Variants in TRAPPC9 observed in about 807,000 individuals in gnomAD.
TRAPPC9 encodes IKK2 binding protein.
In TRAPPC9, 83 loss-of-function variants were observed where a neutral mutation model predicts 124.0. That is an observed-to-expected ratio of 0.67 (90% CI 0.56 to 0.80). TRAPPC9 has a LOEUF of 0.80. Among genes scored for constraint, TRAPPC9 ranks in the 30% least tolerant of loss-of-function variants. The pLI, the probability that TRAPPC9 is intolerant of heterozygous loss-of-function variation, is 0.00. For missense variants in TRAPPC9, 1,302 were observed against 1,508.3 expected (o/e 0.86, Z 2.27); for synonymous variants, 638 against 617.5 (o/e 1.03, Z -0.49).
chr8:139,881,824 G>T (rs981933482), intron 21 of TRAPPC9, among the ~76,000 whole-genome samples: 2 of 152,220 alleles, frequency 1.3e-5, no homozygotes, highest in Non-Finnish European at 2.9e-5. Flanking sequence ...CTCGCTGAAA[G>T]CAAGAAAAAC....
rs1308767213 is a variant in TRAPPC9, at chr8:139,961,746, CG to C, written c.2810+26979del. On this transcript the variant is annotated intron_variant, in intron 19 of 22. Coordinates refer to ENST00000438773, the MANE Select transcript of TRAPPC9 (RefSeq NM_001160372.4). ...CCTGGTGCCTGCTCTGATCTCAAAGCGGGGGACTTGTGCTGCCTCTTCTGGA... is the reference window on the plus strand; with the variant it reads ...CCTGGTGCCTGCTCTGATCTCAAAGCGGGGACTTGTGCTGCCTCTTCTGGA... 3.2e-5 allele frequency among the ~76,000 whole-genome samples: 4 copies of C among 123,858 alleles called. 1 individual carries two copies. The highest frequency in any genetic ancestry group is 1.0e-4 in the African/African-American group (4 of 39,230). The allele number at this position is 123,858 out of a possible 152,430, so 81.3% of individuals were successfully genotyped here. A position where few individuals can be genotyped will look rare whatever the true frequency, so the allele number is the denominator to read the frequency against.
chr8:140,129,868 C>T (rs182506620), intron 17 of TRAPPC9, among the ~76,000 whole-genome samples: 41 of 152,312 alleles, frequency 2.7e-4, no homozygotes, highest in Admixed American at 7.8e-4. Context: ...CGCATGCACA[C>T]GCACATACAT....
At chr8:140,006,730 C>T (rs566097103) in intron 18 of TRAPPC9, among the ~76,000 whole-genome samples, 23 of 152,254 alleles carry the variant, frequency 1.5e-4, no homozygotes, top group African/African-American at 5.5e-4. Flanking sequence ...AGAGGTTAGT[C>T]ACTTGTTTCC....
chr8:140,275,577 G>A, intron 15 of TRAPPC9, 81 bp downstream of exon 15: 1 of 1,491,112 alleles, frequency 6.7e-7, no homozygotes, highest in South Asian at 1.1e-5. Context: ...TAGATTCTCT[G>A]AAAACTGAGA....
At chr8:140,114,356 A>T (rs2060839476) in intron 17 of TRAPPC9, among the ~76,000 whole-genome samples, 1 of 147,098 alleles carries the variant, frequency 6.8e-6, no homozygotes. Flanking sequence ...AAAAAACCTC[A>T]CAAAAGAAAA....
intron 2 of TRAPPC9, among the ~76,000 whole-genome samples, chr8:140,446,412 G>A (rs2071261388): frequency 6.6e-6 from 1 of 151,950 alleles, no homozygotes; most frequent in Non-Finnish European, 1.5e-5. Flanking sequence ...AATGCTCATT[G>A]GCAGAAGCAA....
chr8:140,115,683 G>A (rs541057016), intron 17 of TRAPPC9, among the ~76,000 whole-genome samples: 2 of 152,166 alleles, frequency 1.3e-5, no homozygotes, highest in Non-Finnish European at 2.9e-5. Context: ...GCTGTAGAGT[G>A]AATGCACAGA....
intron 9 of TRAPPC9, among the ~76,000 whole-genome samples, chr8:140,339,742 A>T (rs2067142679): frequency 6.6e-6 from 1 of 152,216 alleles, no homozygotes; most frequent in African/African-American, 2.4e-5. Context: ...AATCATCAGA[A>T]ATTCTGCTTA....
rs750526802 is a variant in TRAPPC9, at chr8:139,910,199, C to T, written c.2912G>A (p.Arg971Gln). 38 of 1,614,078 alleles carry T rather than the reference C, an allele frequency of 2.4e-5. No homozygotes were observed. The highest frequency in any genetic ancestry group is 5.0e-5 in the Admixed American group (3 of 60,008). The change falls in exon 20 of 23, where the codon CGG becomes CAG. Residue 971 changes from arginine to glutamine, a missense_variant. Transcript: ENST00000438773. Reference sequence around the variant, plus strand: ...GTGGATCTCCAGGCCTCGGGCTTCCCGCCGCTCTTCCTCCAGCTGCTTGGG... The same window carrying T: ...GTGGATCTCCAGGCCTCGGGCTTCCTGCCGCTCTTCCTCCAGCTGCTTGGG... ...ANPKQLEEER[R>Q]EARGLEIHSK...
At chr8:139,795,918 C>G in intron 21 of TRAPPC9, among the ~76,000 whole-genome samples, 1 of 152,114 alleles carries the variant, frequency 6.6e-6, no homozygotes, top group South Asian at 2.1e-4. Context: ...TGAACAAACA[C>G]AACACAGGAG....
chr8:139,996,520 A>G (rs1300957575), intron 18 of TRAPPC9, among the ~76,000 whole-genome samples: 2 of 152,110 alleles, frequency 1.3e-5, no homozygotes, highest in African/African-American at 4.8e-5. Context: ...AGATTATCCA[A>G]TGGAAACAAC....
intron 17 of TRAPPC9, among the ~76,000 whole-genome samples, chr8:140,100,918 C>T (rs2130367997): frequency 6.6e-6 from 1 of 152,300 alleles, no homozygotes. Context: ...ACAGGGCCTT[C>T]TCGCTTTATT....
At chr8:140,058,801 T>C (rs1842426777) in intron 17 of TRAPPC9, among the ~76,000 whole-genome samples, 2 of 152,102 alleles carry the variant, frequency 1.3e-5, no homozygotes, top group South Asian at 2.1e-4. Flanking sequence ...CAACTCCACA[T>C]GGGCTCTGGC....
At chr8:140,258,031 C>T (rs1056639716) in intron 15 of TRAPPC9, among the ~76,000 whole-genome samples, 3 of 152,236 alleles carry the variant, frequency 2.0e-5, no homozygotes, top group Admixed American at 2.0e-4. Flanking sequence ...GGCAAACAGG[C>T]CAGTGACCGC....
At chr8:139,903,513 C>G (rs1831149133) in intron 20 of TRAPPC9, among the ~76,000 whole-genome samples, 1 of 152,106 alleles carries the variant, frequency 6.6e-6, no homozygotes, top group Non-Finnish European at 1.5e-5. Context: ...GCAACAAAAA[C>G]AAGGAAAATG....
At chr8:139,885,732 G>A (rs533143223) in intron 21 of TRAPPC9, 147 bp downstream of exon 21, 12 of 771,828 alleles carry the variant, frequency 1.6e-5, no homozygotes, top group East Asian at 8.1e-5. Context: ...TGGTGAGCCC[G>A]TCTTTTTCCC....
At chr8:139,789,129 G>C (rs1260274122) in intron 21 of TRAPPC9, among the ~76,000 whole-genome samples, 1 of 152,208 alleles carries the variant, frequency 6.6e-6, no homozygotes, top group African/African-American at 2.4e-5. Context: ...GTGTGGGAAA[G>C]TGCTCCATTC....
At chr8:139,931,519 C>T (rs1833139859) in intron 19 of TRAPPC9, 1 of 152,214 alleles carries the variant, frequency 6.6e-6, no homozygotes, top group African/African-American at 2.4e-5. Context: ...ACCACCTAGT[C>T]CAAAGCTCTC....
At chr8:140,070,022 G>T (rs1843076096) in intron 17 of TRAPPC9, among the ~76,000 whole-genome samples, 1 of 152,142 alleles carries the variant, frequency 6.6e-6, no homozygotes. Context: ...AATGGATGGT[G>T]CCACCCACAC....
Sources: allele counts gnomAD v4.1 joint callset (sites outside exome capture counted in the v4.1 genomes callset), GRCh38; gene constraint gnomAD v4.1.1; transcripts MANE v1.5; gene names NCBI Gene and HGNC (gene_info 2026-07-23, HGNC 2026-07-21).